Variants in EPS8L1 observed in about 807,000 individuals in gnomAD.
EPS8L1 encodes the protein epidermal growth factor receptor kinase substrate 8-like protein 1.
EPS8L1 carries 101 observed loss-of-function variants against 91.7 expected under a neutral mutation model. The observed-to-expected ratio is 1.10, with a 90% CI of 0.94 to 1.30. The LOEUF (loss-of-function observed/expected upper bound fraction) is 1.30, where lower values mean the gene tolerates loss of function less well. Among genes scored for constraint, EPS8L1 ranks in the 50% most tolerant of loss-of-function variants. The probability of loss-of-function intolerance (pLI) is 0.00; values close to 1 mark genes in which losing one functional copy is unlikely to be tolerated. For synonymous variants in EPS8L1, 506 were observed against 445.3 expected, an observed-to-expected ratio of 1.14 and a Z score of -1.72; for missense variants, 1,114 against 1,017.0, an observed-to-expected ratio of 1.10 and a Z score of -1.30.
At chr19:55,080,340 G>A in intron 6 of EPS8L1, 62 bp downstream of exon 6, 3 of 1,543,164 alleles carry the variant, frequency 1.9e-6, no homozygotes, top group South Asian at 1.2e-5. Context: ...GAGCCGGGGC[G>A]GAAATGGGTG....
rs1377921365 is a variant in EPS8L1, at chr19:55,083,358, G to A, written c.1215-20G>A. 6.2e-7 allele frequency: 1 copy of A among 1,609,550 alleles called. No individual in the cohort carries two copies. The highest frequency in any genetic ancestry group is 8.5e-7 in the Non-Finnish European group (1 of 1,177,342). Reference sequence around the variant, plus strand: ...GCTGTATCAGGATCCCTGAGCTCTTGGCCCTGTCCCTGGCCGCAGGCTGGA... The same window carrying A: ...GCTGTATCAGGATCCCTGAGCTCTTAGCCCTGTCCCTGGCCGCAGGCTGGA... On this transcript the variant is annotated intron_variant, in intron 12 of 19. Coordinates refer to ENST00000201647, the MANE Select transcript of EPS8L1 (RefSeq NM_133180.3). The surrounding 1 kb of genome is among the most constrained non-coding windows in gnomAD (Gnocchi z 4.7).
Position 55,079,006 on chromosome 19 carries a change from G to A in EPS8L1, c.66G>A (p.Arg22=). 6.2e-7 allele frequency: 1 copy of A among 1,613,958 alleles called. No homozygotes were observed. Among genetic ancestry groups the A allele is most frequent in the Non-Finnish European group, 8.5e-7 (1 of 1,179,934 alleles). Residue 22 remains arginine (R), a synonymous_variant, in exon 4 of 20, where the codon AGG becomes AGA. Transcript: ENST00000201647. ...KPSAKSIYEQ[R]KRYSTVVMAD... ...CTCTTTCTCCCCTGGCAGAGCAGAG[G>A]AAGCGTTACTCCACAGTTGTTATGG... is the stretch of plus-strand genomic sequence containing the variant.
At chr19:55,082,956 C>T (rs114922325) in intron 12 of EPS8L1, among the ~76,000 whole-genome samples, 3,411 of 152,172 alleles carry the variant, frequency 0.022, 131 homozygotes, top group African/African-American at 0.077. Flanking sequence ...AGAGTCTGTG[C>T]ACTGCGGGCT....
rs563946895 is a variant in EPS8L1 at position 55,079,947 on chromosome 19, A to G, written c.279+96A>G. 2.7e-3 allele frequency: 3,989 copies of G among 1,467,462 alleles called. 6 individuals carry two copies. Among genetic ancestry groups the G allele is most frequent in the Admixed American group, 3.7e-3 (158 of 42,346 alleles). 90.9% of individuals were successfully genotyped at this position (1,467,462 alleles called of 1,614,324 possible). ...GCTCCTGCACGTCCTTCCTCTGGGA[A>G]CTCTGGCGAGGGACCCCAGCCCCCT... is the stretch of plus-strand genomic sequence containing the variant. On this transcript the variant is annotated intron_variant, in intron 5 of 19. Coordinates refer to ENST00000201647, the MANE Select transcript of EPS8L1 (RefSeq NM_133180.3).
Position 55,081,760 on chromosome 19 carries a change from C to T in EPS8L1, c.775-13C>T. 5.0e-6 allele frequency: 8 copies of T among 1,599,950 alleles called. No homozygotes were observed. The highest frequency in any genetic ancestry group is 4.4e-5 in the South Asian group (4 of 90,236). ...CTCGGGAGCCCTGAGCGTCCCCCTC[C>T]TCTGTCCCCTAGGACATCCTGAACC... is the stretch of plus-strand genomic sequence containing the variant. On this transcript the variant is annotated splice_polypyrimidine_tract_variant and intron_variant, in intron 8 of 19. Transcript: ENST00000201647. The surrounding 1 kb of genome is among the most constrained non-coding windows in gnomAD (Gnocchi z 4.9).
chr19:55,087,104 C>G (rs2076360963), intron 18 of EPS8L1, 199 bp from the exon 19 acceptor site: 1 of 1,077,416 alleles, frequency 9.3e-7, no homozygotes, highest in South Asian at 1.7e-5. Context: ...AATCCCGTAC[C>G]CTTTGAAAGC....
At chr19:55,080,512 A>G (rs1194746136) in intron 6 of EPS8L1, 18 of 1,613,720 alleles carry the variant, frequency 1.1e-5, no homozygotes, top group Non-Finnish European at 1.4e-5. Flanking sequence ...AACATGGCCA[A>G]GAAGGATCTG....
At chr19:55,082,242 C>T (rs1430069803) in intron 10 of EPS8L1, 33 bp from the exon 11 acceptor site, 5 of 1,604,060 alleles carry the variant, frequency 3.1e-6, no homozygotes, top group Non-Finnish European at 3.4e-6. Context: ...CGTCCCCGCA[C>T]CCACGCCAAC....
rs1214803672 is a variant in EPS8L1, at chr19:55,081,502, TAAGG to T, written c.774+15_774+18del. The T allele has an allele frequency of 6.4e-6, 10 of 1,567,562 alleles. No homozygotes were observed. Among genetic ancestry groups the T allele is most frequent in the African/African-American group, 1.4e-5 (1 of 73,350 alleles). On this transcript the variant is annotated intron_variant, in intron 8 of 19. Transcript: ENST00000201647. This position sits in a 1 kb window ranked among gnomAD's most constrained non-coding sequence, Gnocchi z 4.9. ...GGCGGAGCGGGAAGTGGTGAGCCGC[TAAGG>T]AAGGGGTCTGGGGGCAGGGCCAGGC...
intron 2 of EPS8L1, among the ~76,000 whole-genome samples, 138 bp from the exon 3 acceptor site, chr19:55,077,932 CAATAATAATAATAATAAT>C (rs34626114): frequency 3.2e-5 from 4 of 126,288 alleles, no homozygotes; most frequent in Admixed American, 1.6e-4. Context: ...CTCTCCTGCT[CAATAATAATAATAATAAT>C]AATAATAATA....
intron 3 of EPS8L1, 60 bp from the exon 4 acceptor site, chr19:55,078,939 G>A: frequency 6.3e-7 from 1 of 1,575,302 alleles, no homozygotes; most frequent in Non-Finnish European, 8.7e-7. Flanking sequence ...GGACTCCTGG[G>A]TCTGATGGAG....
At chr19:55,086,635 G>GCGC in intron 17 of EPS8L1, 79 bp from the exon 18 acceptor site, 114 of 1,307,396 alleles carry the variant, frequency 8.7e-5, no homozygotes, top group Non-Finnish European at 1.1e-4. Context: ...ACGCTGGAGC[G>GCGC]CCCCCCCGCC....
chr19:55,086,642 C>A, intron 17 of EPS8L1, 72 bp from the exon 18 acceptor site: 1 of 1,410,044 alleles, frequency 7.1e-7, no homozygotes, highest in South Asian at 1.3e-5. Flanking sequence ...AGCGCCCCCC[C>A]GCCCCGCCCT....
Position 55,083,582 on chromosome 19 carries a change from G to GCCCCGCCTGA in EPS8L1, c.1357-30_1357-21dup, listed in dbSNP as rs1322971220. The GCCCCGCCTGA allele has an allele frequency of 9.4e-6, 15 of 1,594,328 alleles. No homozygotes were observed. The highest frequency in any genetic ancestry group is 5.3e-5 in the Admixed American group (3 of 56,716). ...TCCGGGGGCGCGGCCGGTCCGCCTG[G>GCCCCGCCTGA]CCCCGCCTGACCCGACTGTCTTACT... On this transcript the variant is annotated intron_variant, in intron 13 of 19. Coordinates refer to ENST00000201647, the MANE Select transcript of EPS8L1 (RefSeq NM_133180.3). The surrounding 1 kb of genome is among the most constrained non-coding windows in gnomAD (Gnocchi z 4.7).
Position 55,081,416 on chromosome 19 carries a change from G to A in EPS8L1, c.698G>A (p.Ser233Asn). ...AQRPEPVGTS[S>N]NADSASPDLG... is the part of the protein sequence containing the mutation. ...AGGCCTGAGCCGGTGGGGACCTCGA[G>A]CAACGCTGACTCGGCCTCCCCGGAC... The change falls in exon 8 of 20, where the codon AGC (serine) becomes AAC (asparagine). Residue 233 changes from serine to asparagine, a missense_variant. Ser to Asn is a conservative substitution (Grantham distance 46). Coordinates refer to ENST00000201647, the MANE Select transcript of EPS8L1 (RefSeq NM_133180.3). This position sits in a 1 kb window ranked among gnomAD's most constrained non-coding sequence, Gnocchi z 4.9. The A allele has an allele frequency of 6.3e-7, 1 of 1,598,344 alleles. No individual in the cohort carries two copies.
Position 55,081,008 on chromosome 19 carries a change from C to G in EPS8L1, c.512+154C>G. 1 of 900,646 alleles carries G rather than the reference C, an allele frequency of 1.1e-6. No homozygotes were observed. Among genetic ancestry groups the G allele is most frequent in the Non-Finnish European group, 1.6e-6 (1 of 607,892 alleles). 55.8% of individuals were successfully genotyped at this position (900,646 alleles called of 1,614,324 possible). ...TCTGTACCTCCCAGACGAGCTGACC[C>G]CTTCTCCAGAACTCTGCTTCTTTTC... is the stretch of plus-strand genomic sequence containing the variant. On this transcript the variant is annotated intron_variant, in intron 7 of 19. Transcript: ENST00000201647. This position sits in a 1 kb window ranked among gnomAD's most constrained non-coding sequence, Gnocchi z 4.9.
chr19:55,086,055 AC>A lies in EPS8L1; in HGVS notation c.1519-3del. On this transcript the variant is annotated splice_region_variant and splice_polypyrimidine_tract_variant and intron_variant, in intron 15 of 19. Transcript: ENST00000201647. ...CTCTGAACCCTCTGTTCTTTACCACACCCAGGTCCTGGATGACAGTCGTAAG... is the reference window on the plus strand; with the variant it reads ...CTCTGAACCCTCTGTTCTTTACCACACCAGGTCCTGGATGACAGTCGTAAG... 6.9e-6 allele frequency: 11 copies of A among 1,594,184 alleles called. No individual in the cohort carries two copies. The highest frequency in any genetic ancestry group is 8.6e-6 in the Non-Finnish European group (10 of 1,167,004).
In EPS8L1 at chr19:55,086,413, C is replaced by T. The variant is rs780191731; in HGVS notation, c.1672C>T (p.Pro558Ser). The change falls in exon 17 of 20, where the codon CCA becomes TCA. Residue 558 changes from proline (P) to serine (S), a missense_variant. Pro to Ser is a moderately conservative substitution (Grantham distance 74, BLOSUM62 -1). Transcript: ENST00000201647. Reference protein sequence around the residue: ...RSLNSTPPPPPAPAPAPPPAL... With the variant: ...RSLNSTPPPPSAPAPAPPPAL... ...TCAGAACAGCACTCCTCCTCCACCA[C>T]CAGCCCCAGCCCCGGCCCCACCTCC... 11 of 1,561,478 alleles carry T rather than the reference C, an allele frequency of 7.0e-6. No homozygotes were observed. In the East Asian group the frequency reaches 2.4e-4, roughly 34 times the overall value.
chr19:55,080,542 G>C, intron 6 of EPS8L1: 1 of 1,612,584 alleles, frequency 6.2e-7, no homozygotes, highest in East Asian at 2.2e-5. Flanking sequence ...CCAGGACGAG[G>C]TGGGGGCGAG....
Sources: gnomAD v4.1 joint callset for allele counts (sites outside exome capture counted in the v4.1 genomes callset) on GRCh38, gnomAD v4.1.1 for gene constraint, Gnocchi (gnomAD v3.1) non-coding constraint, MANE v1.5 for transcripts, NCBI Gene and HGNC (gene_info 2026-07-23, HGNC 2026-07-21) for gene names.